Variants in DDRGK1 observed in about 807,000 individuals in gnomAD.
The protein encoded by DDRGK1 is DDRGK domain-containing protein 1.
In DDRGK1, 38 loss-of-function variants were observed where a neutral mutation model predicts 45.8. The ratio of observed to expected loss-of-function variants is 0.83; its 90% CI spans 0.64 to 1.09. The LOEUF (loss-of-function observed/expected upper bound fraction) is 1.09. Among genes scored for constraint, DDRGK1 ranks in the 50% least tolerant of loss-of-function variants. The probability of loss-of-function intolerance (pLI) is 0.00; values close to 1 mark genes in which losing one functional copy is unlikely to be tolerated. For missense variants in DDRGK1, 403 were observed against 419.9 expected (o/e 0.96, Z 0.35); for synonymous variants, 171 against 168.7 (o/e 1.01, Z -0.11).
chr20:3,197,833 A>G (rs73076850), intron 4 of DDRGK1, among the ~76,000 whole-genome samples: 17,975 of 151,256 alleles, frequency 0.12, 1,439 homozygotes, highest in Non-Finnish European at 0.17. Flanking sequence ...GGGAGGCTGA[A>G]GCAGGAGAAT....
intron 4 of DDRGK1, among the ~76,000 whole-genome samples, chr20:3,198,499 G>A (rs1361715450): frequency 6.7e-6 from 1 of 150,164 alleles, no homozygotes; most frequent in Non-Finnish European, 1.5e-5. Context: ...TCGGGAGTTC[G>A]AGACCAGCCT....
chr20:3,200,884 G>A (rs2067034820), intron 2 of DDRGK1, among the ~76,000 whole-genome samples: 1 of 152,190 alleles, frequency 6.6e-6, no homozygotes, highest in African/African-American at 2.4e-5. Flanking sequence ...GCAAAGGTGG[G>A]CGGATCACGA....
At chr20:3,195,073 A>G (rs1313208254) in intron 5 of DDRGK1, among the ~76,000 whole-genome samples, 158 bp downstream of exon 5, 2 of 152,186 alleles carry the variant, frequency 1.3e-5, no homozygotes, top group Non-Finnish European at 2.9e-5. Flanking sequence ...GCCTCTGCTG[A>G]GGACAAGGCC....
chr20:3,199,954 G>T, intron 4 of DDRGK1, 47 bp downstream of exon 4: 1 of 1,528,548 alleles, frequency 6.5e-7, no homozygotes. Context: ...AAGCAAGGCT[G>T]CCTTGCCTGG....
intron 7 of DDRGK1, 31 bp downstream of exon 7, chr20:3,191,734 T>G (rs759258896): frequency 1.3e-6 from 2 of 1,586,170 alleles, no homozygotes; most frequent in South Asian, 2.3e-5. Flanking sequence ...CTGGCCACAC[T>G]GCACACAGCA....
Position 3,191,972 on chromosome 20 carries a change from GACACACACAC to G in DDRGK1, c.673-161_673-152del, listed in dbSNP as rs150309651. 24 of 562,648 alleles carry G rather than the reference GACACACACAC, an allele frequency of 4.3e-5. No individual in the cohort carries two copies. In the East Asian group the frequency reaches 5.0e-4, roughly 12 times the overall value. The allele number at this position is 562,648 out of a possible 1,614,324, so 34.9% of individuals were successfully genotyped here. A position where few individuals can be genotyped will look rare whatever the true frequency, so the allele number is the denominator to read the frequency against. ...TCCTGTAGGACAGCCTTGCTCCCCTGACACACACACACACACACACACACACACTCACTAT... is the reference window on the plus strand; with the variant it reads ...TCCTGTAGGACAGCCTTGCTCCCCTGACACACACACACACACACTCACTAT... On this transcript the variant is annotated intron_variant, in intron 6 of 8. Coordinates refer to ENST00000354488, the MANE Select transcript of DDRGK1 (RefSeq NM_023935.3).
chr20:3,191,045 TG>T (rs2122227177), intron 8 of DDRGK1, 144 bp downstream of exon 8: 1 of 1,207,740 alleles, frequency 8.3e-7, no homozygotes, highest in Non-Finnish European at 1.2e-6. Context: ...TCCTTGTAAC[TG>T]CATCCAGCTA....
rs765518224 is a variant in DDRGK1, at chr20:3,203,370, C to A, written c.138G>T (p.Arg46=). 1.2e-5 allele frequency: 20 copies of A among 1,605,742 alleles called. No homozygotes were observed. The highest frequency in any genetic ancestry group is 1.1e-5 in the Non-Finnish European group (13 of 1,175,966). Residue 46 remains arginine (R), a synonymous_variant, in exon 2 of 9, where the codon CGG becomes CGT. Transcript: ENST00000354488. ...GCTCCAGGGGCCCAGGCTGGGCCAC[C>A]CGGCCTGCTCCTGCCAGCTCCTCAT... ...LHNEELAGAG[R]VAQPGPLEPE...
chr20:3,193,534 C>T (rs542163518), intron 6 of DDRGK1, among the ~76,000 whole-genome samples: 1 of 152,116 alleles, frequency 6.6e-6, no homozygotes. Flanking sequence ...CCATGCCTGG[C>T]TAATTTTTGT....
chr20:3,198,979 C>CAAAAAAAAA (rs386393118), intron 4 of DDRGK1, among the ~76,000 whole-genome samples: 1 of 115,102 alleles, frequency 8.7e-6, no homozygotes. Context: ...CAATCTCTAC[C>CAAAAAAAAA]AAAAAAAAAA....
intron 6 of DDRGK1, 146 bp from the exon 7 acceptor site, chr20:3,191,967 C>T: frequency 1.6e-6 from 1 of 610,074 alleles, no homozygotes; most frequent in Non-Finnish European, 2.8e-6. Context: ...CAGCCTTGCT[C>T]CCCTGACACA....
chr20:3,200,137 C>T (rs372218138), intron 3 of DDRGK1, 35 bp from the exon 4 acceptor site: 3 of 1,602,028 alleles, frequency 1.9e-6, no homozygotes, highest in Non-Finnish European at 2.6e-6. Flanking sequence ...ACATCCCTCA[C>T]CCCCGGCTAG....
At chr20:3,192,305 C>T (rs1360781754) in intron 6 of DDRGK1, among the ~76,000 whole-genome samples, 1 of 152,142 alleles carries the variant, frequency 6.6e-6, no homozygotes, top group African/African-American at 2.4e-5. Context: ...AGAACAAGGC[C>T]CTGAGAAGGT....
intron 3 of DDRGK1, 74 bp downstream of exon 3, chr20:3,200,266 TCA>T: frequency 6.7e-7 from 1 of 1,489,620 alleles, no homozygotes; most frequent in South Asian, 1.2e-5. Context: ...CAACAAGCCC[TCA>T]GTCTGCCTTA....
intron 5 of DDRGK1, 34 bp downstream of exon 5, chr20:3,195,197 G>C: frequency 6.2e-7 from 1 of 1,613,850 alleles, no homozygotes; most frequent in South Asian, 1.1e-5. Context: ...ACTGATGGGT[G>C]CAGAGAGGGG....
At chr20:3,196,548 GT>G (rs1026660498) in intron 4 of DDRGK1, among the ~76,000 whole-genome samples, 5 of 150,516 alleles carry the variant, frequency 3.3e-5, no homozygotes, top group Non-Finnish European at 7.4e-5. Context: ...GGGCGTGGTG[GT>G]GGGCGCCTGT....
At position 3,195,450 on chromosome 20, in the gene DDRGK1, G is replaced by A. The variant is rs1003311964; in HGVS notation, c.511-97C>T. On this transcript the variant is annotated intron_variant, in intron 4 of 8. Transcript: ENST00000354488. ...CCCCTGCAGGACACCAGAGCATATA[G>A]CCCAGCCTTTTCTCAGAGACAGAGC... The A allele has an allele frequency of 7.2e-5, 106 of 1,466,556 alleles. No homozygotes were observed. The Admixed American group carries it at 2.2e-3, about 31-fold the overall frequency. 90.8% of individuals were successfully genotyped at this position (1,466,556 alleles called of 1,614,324 possible). A position where few individuals can be genotyped will look rare whatever the true frequency, so the allele number is the denominator to read the frequency against.
intron 7 of DDRGK1, 173 bp downstream of exon 7, chr20:3,191,592 G>A (rs758443870): frequency 2.0e-5 from 17 of 836,584 alleles, no homozygotes; most frequent in African/African-American, 3.4e-5. Context: ...CTGCCTGTTC[G>A]TCCATTAAAA....
intron 1 of DDRGK1, 135 bp downstream of exon 1, chr20:3,204,402 C>T: frequency 2.3e-6 from 2 of 876,220 alleles, no homozygotes; most frequent in Non-Finnish European, 3.4e-6. Context: ...ACCCGGCACA[C>T]GACTAGCGCA....
Sources: allele counts gnomAD v4.1 joint callset (sites outside exome capture counted in the v4.1 genomes callset), GRCh38; gene constraint gnomAD v4.1.1; transcripts MANE v1.5; gene names NCBI Gene and HGNC (gene_info 2026-07-23, HGNC 2026-07-21).